SLIT1: variants seen among roughly 807,000 people sequenced by gnomAD.
SLIT1 encodes the protein slit homolog 1 protein.
In SLIT1, 66 loss-of-function variants were observed where a neutral mutation model predicts 186.1. That is an observed-to-expected ratio of 0.35 (90% CI 0.29 to 0.44). The LOEUF (loss-of-function observed/expected upper bound fraction) is 0.44. Ranked by LOEUF, SLIT1 falls within the 20% of genes least tolerant of loss-of-function variation. SLIT1 has a pLI of 1.00. For missense variants in SLIT1, 1,638 were observed against 2,037.4 expected (o/e 0.80, Z 3.77); for synonymous variants, 761 against 833.8 (o/e 0.91, Z 1.50).
chr10:97,046,981 G>C lies in SLIT1; in HGVS notation c.1709+10C>G, dbSNP rs1216464236. On this transcript the variant is annotated intron_variant, in intron 17 of 36. Coordinates refer to ENST00000266058, the MANE Select transcript of SLIT1 (RefSeq NM_003061.3). ...CCCAACAGACACCTTCTCGCCAATG[G>C]GTAACTCACATTTTCTTCAGATGTG... The C allele has an allele frequency of 6.2e-7, 1 of 1,602,976 alleles. No individual in the cohort carries two copies. The highest frequency in any genetic ancestry group is 1.1e-5 in the South Asian group (1 of 90,778).
Position 97,022,697 on chromosome 10 carries a change from A to G in SLIT1, c.2583-1284T>C, listed in dbSNP as rs181073474. Among the ~76,000 whole-genome samples, 1 of 152,354 alleles carries G rather than the reference A, an allele frequency of 6.6e-6. No homozygotes were observed. Among genetic ancestry groups the G allele is most frequent in the East Asian group, 1.9e-4 (1 of 5,190 alleles). On this transcript the variant is annotated intron_variant, in intron 25 of 36. Transcript: ENST00000266058. This position sits in a 1 kb window ranked among gnomAD's most constrained non-coding sequence, Gnocchi z 4.2. ...ATGTTCATCAATGGGGAGTGGTTAT[A>G]TAAATTGTGATACATTCACATTACG...
intron 13 of SLIT1, among the ~76,000 whole-genome samples, chr10:97,050,614 T>C (rs11188997): frequency 0.12 from 18,560 of 152,230 alleles, 1,422 homozygotes; most frequent in African/African-American, 0.21. Context: ...GGGGCAGAGT[T>C]TGTAGCTAAT....
chr10:97,172,431 C>T (rs532704586), intron 1 of SLIT1, among the ~76,000 whole-genome samples: 2 of 152,258 alleles, frequency 1.3e-5, no homozygotes, highest in Admixed American at 6.5e-5. Flanking sequence ...GGACACAGAC[C>T]GTGTTTTCTC....
At position 97,080,593 on chromosome 10, in the gene SLIT1, G is replaced by T. The variant is rs144010283; in HGVS notation, c.414-14507C>A. ...GCCACTTCCTGTAGGAAGACTCCAA[G>T]CTCCACCATTCCTCTGTAGGAAGAG... On this transcript the variant is annotated intron_variant, in intron 4 of 36. Coordinates refer to ENST00000266058, the MANE Select transcript of SLIT1 (RefSeq NM_003061.3). Among the ~76,000 whole-genome samples the T allele has an allele frequency of 3.3e-3, 498 of 152,308 alleles. 3 individuals carry two copies. The highest frequency in any genetic ancestry group is 0.011 in the African/African-American group (476 of 41,562).
intron 4 of SLIT1, among the ~76,000 whole-genome samples, chr10:97,133,347 T>G (rs1048390680): frequency 6.6e-6 from 1 of 151,966 alleles, no homozygotes; most frequent in African/African-American, 2.4e-5. Flanking sequence ...AGCCCAGGAG[T>G]GTGAAACCAG....
chr10:97,183,206 C>T (rs529353598), intron 1 of SLIT1, among the ~76,000 whole-genome samples: 1 of 152,338 alleles, frequency 6.6e-6, no homozygotes, highest in African/African-American at 2.4e-5. Flanking sequence ...GCCTGGCCCT[C>T]TCCTGAGAGC....
chr10:97,113,775 C>T (rs911913769), intron 4 of SLIT1, among the ~76,000 whole-genome samples: 1 of 150,836 alleles, frequency 6.6e-6, no homozygotes, highest in Non-Finnish European at 1.5e-5. Context: ...AGGCTGATCT[C>T]GAACTCCTGA....
At chr10:97,032,712 C>A (rs2134610868) in intron 23 of SLIT1, among the ~76,000 whole-genome samples, 1 of 152,082 alleles carries the variant, frequency 6.6e-6, no homozygotes, top group South Asian at 2.1e-4. Flanking sequence ...CAAGGGAAAT[C>A]ACACTTGCAA....
At chr10:97,055,060 AC>A (rs1848824624) in intron 13 of SLIT1, among the ~76,000 whole-genome samples, 1 of 152,102 alleles carries the variant, frequency 6.6e-6, no homozygotes, top group Non-Finnish European at 1.5e-5. Context: ...CATTAAAGAT[AC>A]AAAAAATTAG....
Position 97,002,712 on chromosome 10 carries a change from A to T in SLIT1, c.4146T>A (p.His1382Gln), listed in dbSNP as rs746854311. ...CAGTGCCCCAGGCTCACTTGTGGCC[A>T]TGGCAGGGGCCGTCAGCGGGCTGGT... ...HCDQPADGPC[H>Q]GHKCVHGQCV... The change falls in exon 35 of 37, where the codon CAT becomes CAA. Residue 1382 changes from histidine (H) to glutamine (Q), a missense_variant. His to Gln is a conservative substitution (Grantham distance 24). This residue lies in a region of SLIT1 where 220 missense variants were observed against 211.3 expected (regional missense o/e 1.04). Transcript: ENST00000266058. 12 of 1,573,784 alleles carry T rather than the reference A, an allele frequency of 7.6e-6. No individual in the cohort carries two copies. The East Asian group carries it at 2.7e-4, about 36-fold the overall frequency.
intron 4 of SLIT1, among the ~76,000 whole-genome samples, chr10:97,121,675 A>AC (rs1386278018): frequency 6.6e-6 from 1 of 152,106 alleles, no homozygotes; most frequent in East Asian, 1.9e-4. Flanking sequence ...CTGCAAGCCC[A>AC]CCCCTTGCCT....
chr10:97,007,933 C>G (rs539113167), intron 31 of SLIT1, among the ~76,000 whole-genome samples: 9 of 144,246 alleles, frequency 6.2e-5, no homozygotes, highest in African/African-American at 2.3e-4. Flanking sequence ...ACTGGAAGTT[C>G]TAGCCATGGC....
Position 97,006,418 on chromosome 10 carries a change from T to G in SLIT1, c.3579+65A>C. ...ACCATGCAGGGATGTATCCTGATGCTCTGGCCTAAGCCAGGGTCGCCTGCT... is the reference window on the plus strand; with the variant it reads ...ACCATGCAGGGATGTATCCTGATGCGCTGGCCTAAGCCAGGGTCGCCTGCT... On this transcript the variant is annotated intron_variant, in intron 32 of 36. Transcript: ENST00000266058. The surrounding 1 kb of genome is among the most constrained non-coding windows in gnomAD (Gnocchi z 4.0). 1 of 1,133,828 alleles carries G rather than the reference T, an allele frequency of 8.8e-7. No individual in the cohort carries two copies. Among genetic ancestry groups the G allele is most frequent in the Admixed American group, 1.8e-5 (1 of 56,366 alleles). 70.2% of individuals were successfully genotyped at this position (1,133,828 alleles called of 1,614,324 possible).
intron 4 of SLIT1, among the ~76,000 whole-genome samples, chr10:97,077,762 C>T (rs991415252): frequency 2.6e-5 from 4 of 152,224 alleles, no homozygotes; most frequent in Admixed American, 6.5e-5. Context: ...ATAAGATTCA[C>T]GGAATTAAAG....
intron 4 of SLIT1, among the ~76,000 whole-genome samples, chr10:97,123,482 T>TAGGCAAATTTGGAGAC: frequency 6.6e-6 from 1 of 152,244 alleles, no homozygotes; most frequent in Non-Finnish European, 1.5e-5. Flanking sequence ...AGCCCAATGC[T>TAGGCAAATTTGGAGAC]AGGCAAATTT....
Position 97,184,328 on chromosome 10 carries a change from G to A in SLIT1, c.197+1150C>T, listed in dbSNP as rs1161254440. The stretch of plus-strand genomic sequence containing the variant: ...CGAGGAGTGTGGGAAGGAGGAGTAG[G>A]TAGGTTTCAAAGGAGCCAGCAGCCT... On this transcript the variant is annotated intron_variant, in intron 1 of 36. Transcript: ENST00000266058. The surrounding 1 kb of genome is among the most constrained non-coding windows in gnomAD (Gnocchi z 4.4). Among the ~76,000 whole-genome samples the A allele has an allele frequency of 6.6e-6, 1 of 152,050 alleles. No homozygotes were observed. The highest frequency in any genetic ancestry group is 2.4e-5 in the African/African-American group (1 of 41,396).
chr10:97,054,334 C>T (rs1325208455), intron 13 of SLIT1, among the ~76,000 whole-genome samples: 6 of 151,942 alleles, frequency 3.9e-5, no homozygotes, highest in African/African-American at 1.5e-4. Flanking sequence ...TGATTGTAAG[C>T]TTCCTGAGGC....
chr10:97,162,348 G>A (rs1007396672), intron 3 of SLIT1, among the ~76,000 whole-genome samples: 3 of 152,100 alleles, frequency 2.0e-5, no homozygotes, highest in African/African-American at 2.4e-5. Context: ...GGTGGCTCAC[G>A]CCTGTAATCC....
At chr10:97,033,119 G>A (rs951256477) in intron 23 of SLIT1, among the ~76,000 whole-genome samples, 2 of 151,400 alleles carry the variant, frequency 1.3e-5, no homozygotes, top group South Asian at 2.1e-4. Flanking sequence ...TGTGATCTTG[G>A]CTTGCTGCAA....
Sources: allele counts gnomAD v4.1 joint callset (sites outside exome capture counted in the v4.1 genomes callset), GRCh38; gene constraint gnomAD v4.1.1; regional missense constraint gnomAD v4.1.1; non-coding constraint Gnocchi (gnomAD v3.1); transcripts MANE v1.5; gene names NCBI Gene and HGNC (gene_info 2026-07-23, HGNC 2026-07-21).